GRIA3: variants seen among roughly 807,000 people sequenced by gnomAD.
GRIA3 encodes the protein glutamate receptor 3.
A neutral mutation model predicts 63.0 loss-of-function variants in GRIA3; 3 were observed. The observed-to-expected ratio is 0.05, with a 90% CI of 0.02 to 0.12. The LOEUF is 0.12. Among genes scored for constraint, GRIA3 ranks in the 10% least tolerant of loss-of-function variants. GRIA3 has a pLI of 1.00. For synonymous variants in GRIA3, 274 were observed against 257.9 expected (o/e 1.06, Z -0.60); for missense variants, 347 against 700.9 (o/e 0.50, Z 5.70).
intron 3 of GRIA3, among the ~76,000 whole-genome samples, chrX:123,267,264 C>T (rs978425865): frequency 3.6e-5 from 4 of 111,651 alleles, no homozygotes; most frequent in Admixed American, 1.9e-4. Flanking sequence ...ATTAGATAGT[C>T]ATCTACCTCC....
chrX:123,244,246 G>T (rs768156820), intron 2 of GRIA3, among the ~76,000 whole-genome samples: 6 of 111,873 alleles, frequency 5.4e-5, no homozygotes, highest in Non-Finnish European at 1.1e-4. Flanking sequence ...ACACTGTTCT[G>T]ACTCTGAAAC....
intron 2 of GRIA3, among the ~76,000 whole-genome samples, chrX:123,195,095 C>T (rs186613672): frequency 4.4e-5 from 5 of 113,256 alleles, no homozygotes; most frequent in Admixed American, 2.8e-4. Flanking sequence ...CTGAACTAGA[C>T]GTCATGGCAA....
chrX:123,271,794 C>T (rs1211467562), intron 3 of GRIA3, among the ~76,000 whole-genome samples: 1 of 112,270 alleles, frequency 8.9e-6, no homozygotes, highest in Non-Finnish European at 1.9e-5. Flanking sequence ...ATGTGTTCAA[C>T]ATCGCATTCC....
chrX:123,256,689 T>C (rs1044449047), intron 3 of GRIA3, among the ~76,000 whole-genome samples: 1 of 110,858 alleles, frequency 9.0e-6, no homozygotes, highest in Non-Finnish European at 1.9e-5. Flanking sequence ...TGCTGAGGAG[T>C]ATGAATTTTA....
chrX:123,216,416 T>A (rs1390638668), intron 2 of GRIA3, among the ~76,000 whole-genome samples: 2 of 112,013 alleles, frequency 1.8e-5, no homozygotes, highest in Non-Finnish European at 3.8e-5. Flanking sequence ...TCCTTTCTTA[T>A]CACTGCTCCC....
At chrX:123,415,458 A>T (rs900426305) in intron 10 of GRIA3, among the ~76,000 whole-genome samples, 15 of 111,616 alleles carry the variant, frequency 1.3e-4, no homozygotes, top group Non-Finnish European at 2.4e-4. Context: ...CAATATGTTG[A>T]CAAAGTTGGG....
intron 6 of GRIA3, 56 bp from the exon 7 acceptor site, chrX:123,398,580 C>A: frequency 2.9e-6 from 3 of 1,020,918 alleles, no homozygotes; most frequent in Non-Finnish European, 4.1e-6. Context: ...AGAAACAAGG[C>A]AAATTTTGAG....
intron 4 of GRIA3, among the ~76,000 whole-genome samples, chrX:123,345,754 T>C (rs1481998550): frequency 1.8e-5 from 2 of 110,786 alleles, no homozygotes; most frequent in Non-Finnish European, 3.8e-5. Flanking sequence ...ACCTGAGTAA[T>C]GATGCCTTTC....
intron 3 of GRIA3, among the ~76,000 whole-genome samples, chrX:123,280,636 G>A (rs1487683470): frequency 3.6e-5 from 4 of 111,721 alleles, no homozygotes; most frequent in Non-Finnish European, 7.5e-5. Flanking sequence ...TGAATCTTCG[G>A]TACTTGAGGC....
chrX:123,281,202 G>A (rs2044584017), intron 3 of GRIA3, among the ~76,000 whole-genome samples: 1 of 111,766 alleles, frequency 8.9e-6, no homozygotes. Context: ...TCATGGCTAA[G>A]ATAATGACAG....
At position 123,253,292 on chromosome X, in the gene GRIA3, T is replaced by C. The variant is rs2044401159; in HGVS notation, c.269-11T>C. ...GAGCTATTGAATCTTTTTCTCTTTT[T>C]CTCATTGCAGTCTGCTCCCAGTTCT... On this transcript the variant is annotated splice_polypyrimidine_tract_variant and intron_variant, in intron 2 of 15. Coordinates refer to ENST00000620443, the MANE Select transcript of GRIA3 (RefSeq NM_007325.5). 3.3e-6 allele frequency: 4 copies of C among 1,209,913 alleles called. No individual in the cohort carries two copies. The highest frequency in any genetic ancestry group is 4.5e-6 in the Non-Finnish European group (4 of 893,988).
chrX:123,480,079 G>A lies in GRIA3; in HGVS notation c.2341G>A (p.Ala781Thr). ...CACGTGAAGAACGCCTGTAAACCTT[G>A]CAGTATTGAAACTCAGTGAACAAGG... The part of the protein sequence containing the change: ...GSALRTPVNL[A>T]VLKLSEQGIL... The change falls in exon 14 of 16, where the codon GCA becomes ACA. Residue 781 changes from alanine (A) to threonine (T), a missense_variant. Physicochemically the swap from Ala to Thr is moderately conservative, Grantham distance 58 (BLOSUM62 0). Coordinates refer to ENST00000620443, the MANE Select transcript of GRIA3 (RefSeq NM_007325.5). 1 of 1,185,836 alleles carries A rather than the reference G, an allele frequency of 8.4e-7. No homozygotes were observed. The highest frequency in any genetic ancestry group is 1.1e-6 in the Non-Finnish European group (1 of 872,031).
Position 123,432,855 on chromosome X carries a change from C to T in GRIA3, c.2076+4716C>T, listed in dbSNP as rs72609495. Among the ~76,000 whole-genome samples the T allele has an allele frequency of 1.7e-4, 19 of 111,904 alleles. No individual in the cohort carries two copies. In the East Asian group the frequency reaches 4.0e-3, roughly 23 times the overall value. On this transcript the variant is annotated intron_variant, in intron 12 of 15. Coordinates refer to ENST00000620443, the MANE Select transcript of GRIA3 (RefSeq NM_007325.5). ...CTGACTTAGCCTATTGCACTAACCA[C>T]TAAACTCAGCTTCCTCCCTTAGCTA...
At chrX:123,433,019 A>C (rs180797101) in intron 12 of GRIA3, among the ~76,000 whole-genome samples, 202 of 111,882 alleles carry the variant, frequency 1.8e-3, no homozygotes, top group African/African-American at 6.3e-3. Flanking sequence ...ACCTTGCAGA[A>C]ATCATCATGA....
chrX:123,471,951 C>G (rs1283468385), intron 13 of GRIA3, among the ~76,000 whole-genome samples: 1 of 75,630 alleles, frequency 1.3e-5, no homozygotes, highest in East Asian at 4.4e-4. Flanking sequence ...AGCATTGAAG[C>G]AAATGTTTTT....
chrX:123,299,924 G>GTTT (rs34959822), intron 3 of GRIA3, among the ~76,000 whole-genome samples: 2 of 109,152 alleles, frequency 1.8e-5, no homozygotes, highest in African/African-American at 6.7e-5. Flanking sequence ...TTTATTTAGA[G>GTTT]TTTTTTAACA....
At chrX:123,246,032 T>C (rs1287838974) in intron 2 of GRIA3, among the ~76,000 whole-genome samples, 1 of 111,209 alleles carries the variant, frequency 9.0e-6, no homozygotes, top group Non-Finnish European at 1.9e-5. Flanking sequence ...GTGAGTTCCC[T>C]TGTTACTGGA....
intron 3 of GRIA3, among the ~76,000 whole-genome samples, chrX:123,265,926 A>T (rs1314766233): frequency 1.8e-5 from 2 of 111,466 alleles, no homozygotes; most frequent in Non-Finnish European, 3.8e-5. Flanking sequence ...TTCCTGGTAG[A>T]TCTCCAAGCC....
At chrX:123,263,838 GC>G (rs1334338800) in intron 3 of GRIA3, among the ~76,000 whole-genome samples, 6 of 112,214 alleles carry the variant, frequency 5.3e-5, no homozygotes, top group Non-Finnish European at 1.9e-5. Context: ...ATATGCTTTT[GC>G]ATCTTATCAA....
Sources: gnomAD v4.1 joint callset for allele counts (sites outside exome capture counted in the v4.1 genomes callset) on GRCh38, gnomAD v4.1.1 for gene constraint, MANE v1.5 for transcripts, NCBI Gene and HGNC (gene_info 2026-07-23, HGNC 2026-07-21) for gene names.